Variants in TECTB observed in about 807,000 individuals in gnomAD.
TECTB encodes the protein tectorin beta.
A neutral mutation model predicts 43.3 loss-of-function variants in TECTB; 45 were observed. That is an observed-to-expected ratio of 1.04 (90% CI 0.82 to 1.33). The LOEUF (loss-of-function observed/expected upper bound fraction) is 1.33, where lower values mean the gene tolerates loss of function less well. TECTB is among the 40% of genes most tolerant of loss of function. TECTB has a pLI of 0.00. For synonymous variants in TECTB, 169 were observed against 156.7 expected, an observed-to-expected ratio of 1.08 and a Z score of -0.59; for missense variants, 399 against 404.7, an observed-to-expected ratio of 0.99 and a Z score of 0.12.
Position 112,291,555 on chromosome 10 carries a change from A to G in TECTB, c.484-2183A>G, listed in dbSNP as rs553564842. 1.6e-4 allele frequency among the ~76,000 whole-genome samples: 24 copies of G among 152,350 alleles called. No individual in the cohort carries two copies. In the South Asian group the frequency reaches 4.6e-3, roughly 29 times the overall value. On this transcript the variant is annotated intron_variant, in intron 5 of 10. Coordinates refer to ENST00000646139, the MANE Select transcript of TECTB (RefSeq NM_058222.3). The stretch of plus-strand genomic sequence containing the variant: ...GTACATATACACCATGGAATACTAT[A>G]AAGTCCATTTTAACTAGACATCCTT...
intron 5 of TECTB, among the ~76,000 whole-genome samples, chr10:112,291,045 T>C (rs1324057231): frequency 6.6e-6 from 1 of 152,180 alleles, no homozygotes; most frequent in African/African-American, 2.4e-5. Context: ...ATGTGCAAGT[T>C]TGTTACACTG....
Position 112,283,772 on chromosome 10 carries a change from C to T in TECTB, c.38C>T (p.Ala13Val), listed in dbSNP as rs200160345. The T allele has an allele frequency of 3.3e-5, 54 of 1,613,850 alleles. No homozygotes were observed. Among genetic ancestry groups the T allele is most frequent in the Admixed American group, 1.0e-4 (6 of 59,972 alleles). ...GCCTTTGTCTTGTTGGCCATCTTTG[C>T]AGAAGCCTCTGCAAAATCGTGTGCT... ...TKAFVLLAIF[A>V]EASAKSCAPN... The change falls in exon 2 of 11, where the codon GCA becomes GTA. Residue 13 changes from alanine to valine, a missense_variant. Ala to Val is a moderately conservative substitution (Grantham distance 64, BLOSUM62 0). Transcript: ENST00000646139.
At chr10:112,297,314 C>G (rs1848557203) in intron 7 of TECTB, among the ~76,000 whole-genome samples, 1 of 152,132 alleles carries the variant, frequency 6.6e-6, no homozygotes, top group Non-Finnish European at 1.5e-5. Context: ...AAGCGAGAAC[C>G]ACTAGCTTAA....
At chr10:112,291,442 A>G (rs148503512) in intron 5 of TECTB, among the ~76,000 whole-genome samples, 2 of 152,372 alleles carry the variant, frequency 1.3e-5, no homozygotes, top group African/African-American at 2.4e-5. Flanking sequence ...ACATGCATGC[A>G]TATGTTCATT....
intron 9 of TECTB, among the ~76,000 whole-genome samples, chr10:112,300,913 C>T (rs1236241194): frequency 2.0e-5 from 3 of 152,178 alleles, no homozygotes; most frequent in Non-Finnish European, 4.4e-5. Context: ...CAAGTGAGAC[C>T]TGAAGGATAG....
Position 112,299,568 on chromosome 10 carries a change from A to G in TECTB, c.907+4A>G. On this transcript the variant is annotated splice_donor_region_variant and intron_variant, in intron 9 of 10. Transcript: ENST00000646139. The stretch of plus-strand genomic sequence containing the variant: ...GTCGTGGAGCTCTCCCTGCGGAGTA[A>G]GCGTCTCTGTTTTCCTCTGTTTTCC... 6.4e-7 allele frequency: 1 copy of G among 1,558,356 alleles called. No homozygotes were observed. Among genetic ancestry groups the G allele is most frequent in the Non-Finnish European group, 8.6e-7 (1 of 1,157,944 alleles).
At chr10:112,284,051 TAC>T (rs1848434761) in intron 2 of TECTB, among the ~76,000 whole-genome samples, 2 of 152,016 alleles carry the variant, frequency 1.3e-5, no homozygotes, top group South Asian at 4.1e-4. Flanking sequence ...CTCTCTTACT[TAC>T]ACACTCTCTC....
At chr10:112,295,773 C>A (rs1284575960) in intron 7 of TECTB, among the ~76,000 whole-genome samples, 1 of 152,206 alleles carries the variant, frequency 6.6e-6, no homozygotes, top group Non-Finnish European at 1.5e-5. Flanking sequence ...CTTCTGCTAC[C>A]CCTGGAATCA....
intron 9 of TECTB, among the ~76,000 whole-genome samples, chr10:112,301,637 T>C (rs1433857623): frequency 6.6e-6 from 1 of 152,140 alleles, no homozygotes. Flanking sequence ...GAAAGCGTTG[T>C]GAGATGAAAC....
At chr10:112,291,945 G>C (rs1197783732) in intron 5 of TECTB, among the ~76,000 whole-genome samples, 1 of 152,088 alleles carries the variant, frequency 6.6e-6, no homozygotes, top group Non-Finnish European at 1.5e-5. Flanking sequence ...GACCATCCTG[G>C]CTAACACGGT....
At chr10:112,289,032 T>C (rs1848476934) in intron 5 of TECTB, among the ~76,000 whole-genome samples, 1 of 152,214 alleles carries the variant, frequency 6.6e-6, no homozygotes, top group African/African-American at 2.4e-5. Context: ...TTAACCAACC[T>C]CTCTGGGCTT....
chr10:112,284,277 C>T (rs1276589906), intron 2 of TECTB, among the ~76,000 whole-genome samples: 1 of 152,114 alleles, frequency 6.6e-6, no homozygotes, highest in Non-Finnish European at 1.5e-5. Context: ...AGATACATTC[C>T]TTGTTCCAAA....
rs192237796 is a variant in TECTB, at chr10:112,291,903, G to A, written c.484-1835G>A. ...TGTAATCCCAGCACTTTGGGAGGCCGAGGCGGGCAGATCACGAGGTCAGGA... is the reference window on the plus strand; with the variant it reads ...TGTAATCCCAGCACTTTGGGAGGCCAAGGCGGGCAGATCACGAGGTCAGGA... On this transcript the variant is annotated intron_variant, in intron 5 of 10. Transcript: ENST00000646139. Among the ~76,000 whole-genome samples the A allele has an allele frequency of 5.0e-3, 763 of 152,232 alleles. 5 individuals carry two copies. Among genetic ancestry groups the A allele is most frequent in the African/African-American group, 0.018 (735 of 41,542 alleles).
chr10:112,300,847 G>A (rs1848605561), intron 9 of TECTB, among the ~76,000 whole-genome samples: 1 of 152,224 alleles, frequency 6.6e-6, no homozygotes, highest in African/African-American at 2.4e-5. Context: ...ATCCTGAATG[G>A]AGCAAAGGGA....
chr10:112,285,329 C>G (rs1004581091), intron 3 of TECTB, among the ~76,000 whole-genome samples: 8 of 152,160 alleles, frequency 5.3e-5, no homozygotes, highest in African/African-American at 1.9e-4. Context: ...GTCTCCCAAC[C>G]TCCCCACCAA....
At chr10:112,302,338 C>T (rs1848619307) in intron 10 of TECTB, 3 of 519,962 alleles carry the variant, frequency 5.8e-6, no homozygotes, top group South Asian at 3.6e-5. Flanking sequence ...AGGGAGGAAC[C>T]GAAGGTAAAT....
chr10:112,299,359 G>A lies in TECTB; in HGVS notation c.835-133G>A, dbSNP rs1281789612. 5.2e-6 allele frequency: 4 copies of A among 769,478 alleles called. No individual in the cohort carries two copies. In the East Asian group the frequency reaches 1.1e-4, roughly 21 times the overall value. The allele number at this position is 769,478 out of a possible 1,614,324, so 47.7% of individuals were successfully genotyped here. The stretch of plus-strand genomic sequence containing the variant: ...TTTTTTAAAAAGGTAACTCATCTCT[G>A]TTGACTGGGGAATTGTGACTCCACC... On this transcript the variant is annotated intron_variant, in intron 8 of 10. Coordinates refer to ENST00000646139, the MANE Select transcript of TECTB (RefSeq NM_058222.3).
chr10:112,303,132 A>G, intron 10 of TECTB, 131 bp from the exon 11 acceptor site: 1 of 1,065,762 alleles, frequency 9.4e-7, no homozygotes, highest in Non-Finnish European at 1.4e-6. Flanking sequence ...TCCCCAAGGG[A>G]TGAACAAAAT....
At chr10:112,297,151 G>A (rs1848554838) in intron 7 of TECTB, among the ~76,000 whole-genome samples, 1 of 152,072 alleles carries the variant, frequency 6.6e-6, no homozygotes, top group South Asian at 2.1e-4. Flanking sequence ...TTGACATTTG[G>A]GGTGGGACCA....
Sources: gnomAD v4.1 joint callset for allele counts (sites outside exome capture counted in the v4.1 genomes callset) on GRCh38, gnomAD v4.1.1 for gene constraint, MANE v1.5 for transcripts, NCBI Gene and HGNC (gene_info 2026-07-23, HGNC 2026-07-21) for gene names.